Variants in CCDC102B observed in about 807,000 individuals in gnomAD.
CCDC102B encodes coiled-coil domain-containing protein 102B.
In CCDC102B, 75 loss-of-function variants were observed where a neutral mutation model predicts 57.4. The observed-to-expected ratio is 1.31, with a 90% CI of 1.08 to 1.58. The LOEUF is 1.58. CCDC102B is among the 40% of genes most tolerant of loss of function. CCDC102B has a pLI of 0.00. For missense variants in CCDC102B, 636 were observed against 582.6 expected (o/e 1.09, Z -0.94); for synonymous variants, 206 against 201.9 (o/e 1.02, Z -0.17).
chr18:68,766,179 A>G (rs951935919), intron 2 of CCDC102B, among the ~76,000 whole-genome samples: 3 of 152,160 alleles, frequency 2.0e-5, no homozygotes, highest in African/African-American at 7.2e-5. Flanking sequence ...AGAATCATGC[A>G]GTAAAATAGA....
intron 4 of CCDC102B, among the ~76,000 whole-genome samples, chr18:68,848,477 T>A (rs1197518263): frequency 6.6e-6 from 1 of 151,956 alleles, no homozygotes; most frequent in Non-Finnish European, 1.5e-5. Flanking sequence ...AGACCTAGAA[T>A]TGTAAAAATG....
At chr18:68,797,294 ATGT>A (rs2035663664), upstream of CCDC102B, among the ~76,000 whole-genome samples, 1 of 152,222 alleles carries the variant, frequency 6.6e-6, no homozygotes, top group South Asian at 2.1e-4. Flanking sequence ...TAAATTTCAA[ATGT>A]TGTTTTTTTG....
At chr18:69,044,597 A>G (rs557608259) in intron 7 of CCDC102B, among the ~76,000 whole-genome samples, 1 of 152,302 alleles carries the variant, frequency 6.6e-6, no homozygotes, top group Admixed American at 6.5e-5. Context: ...ATATTTATAG[A>G]GAGCTTCCTT....
chr18:68,890,651 T>C (rs903322125), intron 5 of CCDC102B, among the ~76,000 whole-genome samples: 1 of 152,208 alleles, frequency 6.6e-6, no homozygotes, highest in African/African-American at 2.4e-5. Flanking sequence ...AATTCCTTGC[T>C]TTAGAGATAG....
intron 2 of CCDC102B, among the ~76,000 whole-genome samples, chr18:68,741,265 G>A (rs887159708): frequency 4.6e-5 from 7 of 152,212 alleles, no homozygotes; most frequent in Non-Finnish European, 7.3e-5. Context: ...TGTCCAGATT[G>A]TTTGGGGCAG....
At chr18:69,047,941 T>C (rs781463348) in intron 7 of CCDC102B, among the ~76,000 whole-genome samples, 3 of 152,062 alleles carry the variant, frequency 2.0e-5, no homozygotes, top group Non-Finnish European at 4.4e-5. Context: ...CAATATTGTA[T>C]AAATGGCCAT....
intron 4 of CCDC102B, among the ~76,000 whole-genome samples, chr18:68,871,284 A>G (rs184352303): frequency 1.3e-5 from 2 of 152,150 alleles, no homozygotes; most frequent in African/African-American, 4.8e-5. Context: ...CACCTTATAG[A>G]GTATTTTCTA....
intron 2 of CCDC102B, among the ~76,000 whole-genome samples, chr18:68,765,850 T>C (rs73456141): frequency 0.024 from 3,625 of 152,076 alleles, 135 homozygotes; most frequent in African/African-American, 0.082. Flanking sequence ...TTCTTTCTTT[T>C]TTTTAGTTTT....
Position 68,991,215 on chromosome 18 carries a change from A to C in CCDC102B, c.1264-19719A>C, listed in dbSNP as rs575803967. Among the ~76,000 whole-genome samples the C allele has an allele frequency of 6.3e-5, 9 of 142,338 alleles. No individual in the cohort carries two copies. The South Asian group carries it at 2.0e-3, about 31-fold the overall frequency. 93.4% of individuals were successfully genotyped at this position (142,338 alleles called of 152,430 possible). On this transcript the variant is annotated intron_variant, in intron 6 of 7. Coordinates refer to ENST00000360242, the MANE Select transcript of CCDC102B (RefSeq NM_024781.3). ...ATATACATGTCCATTTATTTTCTTC[A>C]TTTCTCTAGAATTATGAACAAAACC... is the stretch of plus-strand genomic sequence containing the variant.
chr18:68,897,347 G>A lies in CCDC102B; in HGVS notation c.1182G>A (p.Leu394=). The part of the protein sequence containing the change: ...KIQVKEMEEL[L]DKKNRLSANS... The stretch of plus-strand genomic sequence containing the variant: ...AGGTGAAAGAAATGGAAGAGCTTTT[G>A]GATAAGAAAAATAGATTAAGTGCAA... The change falls in exon 6 of 8, where the codon TTG becomes TTA. Residue 394 remains leucine (L), a synonymous_variant. Coordinates refer to ENST00000360242, the MANE Select transcript of CCDC102B (RefSeq NM_024781.3). The A allele has an allele frequency of 6.2e-7, 1 of 1,612,988 alleles. No individual in the cohort carries two copies. The highest frequency in any genetic ancestry group is 1.3e-5 in the African/African-American group (1 of 74,926).
intron 1 of CCDC102B, among the ~76,000 whole-genome samples, chr18:68,828,322 C>CAAATAAAAAA (rs2036993609): frequency 1.2e-5 from 1 of 80,804 alleles, no homozygotes; most frequent in Non-Finnish European, 2.3e-5. Context: ...ACCCTATTTA[C>CAAATAAAAAA]AAAAAAAAAA....
intron 4 of CCDC102B, among the ~76,000 whole-genome samples, chr18:68,864,505 G>A (rs2038893765): frequency 6.6e-6 from 1 of 151,806 alleles, no homozygotes; most frequent in African/African-American, 2.4e-5. Context: ...CCTGGGTACT[G>A]TTACATTTTT....
chr18:68,899,993 A>G (rs527856480), intron 6 of CCDC102B: 5 of 152,324 alleles, frequency 3.3e-5, no homozygotes, highest in East Asian at 3.9e-4. Context: ...AAAAAATGCA[A>G]TAATACACTT....
intron 4 of CCDC102B, among the ~76,000 whole-genome samples, chr18:68,868,207 A>G (rs1461603787): frequency 6.6e-6 from 1 of 152,130 alleles, no homozygotes; most frequent in Non-Finnish European, 1.5e-5. Flanking sequence ...TTGAGTTTAA[A>G]TAAATCAACA....
At chr18:68,843,042 A>G (rs1254103387) in intron 3 of CCDC102B, among the ~76,000 whole-genome samples, 1 of 152,124 alleles carries the variant, frequency 6.6e-6, no homozygotes, top group Non-Finnish European at 1.5e-5. Context: ...TCTGAGCTTA[A>G]CAATATTCTT....
chr18:68,879,363 G>A (rs995103742), intron 5 of CCDC102B, among the ~76,000 whole-genome samples: 4 of 152,240 alleles, frequency 2.6e-5, no homozygotes, highest in South Asian at 2.1e-4. Flanking sequence ...TCCACAGTGT[G>A]GAAGGGGACT....
At position 68,810,680 on chromosome 18, in the gene CCDC102B, G is replaced by GTTTTTTTTTTTTTTTTT. The variant is rs61714863; in HGVS notation, c.-16+12510_-16+12526dup. On this transcript the variant is annotated intron_variant, in intron 1 of 7. Coordinates refer to ENST00000360242, the MANE Select transcript of CCDC102B (RefSeq NM_024781.3). The stretch of plus-strand genomic sequence containing the variant: ...TGAAAAATTTTCTTTTCTTTTCTTT[G>GTTTTTTTTTTTTTTTTT]TTTTTTTTTTTTTTTTTTTTTTTTT... Among the ~76,000 whole-genome samples, 6 of 77,042 alleles carry GTTTTTTTTTTTTTTTTT rather than the reference G, an allele frequency of 7.8e-5. 1 individual carries two copies. The highest frequency in any genetic ancestry group is 1.0e-4 in the African/African-American group (2 of 19,666). The allele number at this position is 77,042 out of a possible 152,430, so 50.5% of individuals were successfully genotyped here.
At chr18:68,730,912 A>T (rs1223853172) in intron 2 of CCDC102B, among the ~76,000 whole-genome samples, 3 of 152,164 alleles carry the variant, frequency 2.0e-5, no homozygotes, top group Non-Finnish European at 2.9e-5. Flanking sequence ...TGATATCTTG[A>T]TCTTCTTTGG....
chr18:68,840,042 T>C (rs2037560079), intron 3 of CCDC102B, among the ~76,000 whole-genome samples: 1 of 152,098 alleles, frequency 6.6e-6, no homozygotes, highest in African/African-American at 2.4e-5. Flanking sequence ...ACAAATAACA[T>C]CTGGGAAAGA....
Sources: allele counts gnomAD v4.1 joint callset (sites outside exome capture counted in the v4.1 genomes callset), GRCh38; gene constraint gnomAD v4.1.1; transcripts MANE v1.5; gene names NCBI Gene and HGNC (gene_info 2026-07-23, HGNC 2026-07-21).